The following SHISA6 variants were observed in gnomAD, a reference collection of about 807,000 sequenced individuals.
SHISA6 encodes the protein shisa family member 6, also known as protein shisa-6.
In SHISA6, 22 loss-of-function variants were observed where a neutral mutation model predicts 47.9. That is an observed-to-expected ratio of 0.46 (90% CI 0.33 to 0.66). The LOEUF (loss-of-function observed/expected upper bound fraction) is 0.66. Among genes scored for constraint, SHISA6 ranks in the 30% least tolerant of loss-of-function variants. The probability of loss-of-function intolerance (pLI) is 0.02; values close to 1 mark genes in which losing one functional copy is unlikely to be tolerated. For missense variants in SHISA6, 680 were observed against 764.6 expected (o/e 0.89, Z 1.30); for synonymous variants, 388 against 337.8 (o/e 1.15, Z -1.63).
Position 11,308,670 on chromosome 17 carries a change from T to G in SHISA6, c.799+45144T>G, listed in dbSNP as rs11868682. Among the ~76,000 whole-genome samples, 939 of 152,330 alleles carry G rather than the reference T, an allele frequency of 6.2e-3. 8 individuals are homozygous for G. The highest frequency in any genetic ancestry group is 0.02 in the South Asian group (97 of 4,822). On this transcript the variant is annotated intron_variant, in intron 2 of 5. Transcript: ENST00000441885. The stretch of plus-strand genomic sequence containing the variant: ...GATTTGTTCTTTAATAAAGAAACTC[T>G]GCGATCTCACAGCTGATCTTTGCCC...
chr17:11,303,155 G>C (rs1909984399), intron 2 of SHISA6, among the ~76,000 whole-genome samples: 1 of 152,084 alleles, frequency 6.6e-6, no homozygotes, highest in African/African-American at 2.4e-5. Flanking sequence ...GTGTGATTTT[G>C]TGTGTGATTA....
chr17:11,242,485 A>C (rs1907406719), intron 1 of SHISA6, among the ~76,000 whole-genome samples: 1 of 152,166 alleles, frequency 6.6e-6, no homozygotes, highest in Non-Finnish European at 1.5e-5. Context: ...ACCTTACTGA[A>C]AGCGGTACCA....
intron 2 of SHISA6, among the ~76,000 whole-genome samples, chr17:11,355,570 T>C (rs1035006682): frequency 7.2e-5 from 11 of 152,196 alleles, no homozygotes; most frequent in African/African-American, 2.4e-4. Context: ...AGAGCTCAGT[T>C]AGAGCTCAAG....
At chr17:11,378,313 G>T (rs761967933) in intron 2 of SHISA6, among the ~76,000 whole-genome samples, 2 of 151,840 alleles carry the variant, frequency 1.3e-5, no homozygotes, top group African/African-American at 4.9e-5. Context: ...ATATGTTTGT[G>T]TGCTTTTTTT....
chr17:11,328,125 G>A lies in SHISA6; in HGVS notation c.800-51289G>A, dbSNP rs75777406. 4.0e-3 allele frequency among the ~76,000 whole-genome samples: 611 copies of A among 152,222 alleles called. 7 individuals carry two copies. The highest frequency in any genetic ancestry group is 0.014 in the African/African-American group (572 of 41,542). ...CCCTCAATTTCTTCATCTATCAAAT[G>A]GAGATACAAAAACTATGTCAAGGCA... On this transcript the variant is annotated intron_variant, in intron 2 of 5. Coordinates refer to ENST00000441885, the MANE Select transcript of SHISA6 (RefSeq NM_207386.4).
chr17:11,521,753 G>A (rs944674988), intron 3 of SHISA6, among the ~76,000 whole-genome samples: 2 of 152,008 alleles, frequency 1.3e-5, no homozygotes, highest in African/African-American at 4.8e-5. Flanking sequence ...CAGTGAGCTA[G>A]GATCACGCCT....
intron 3 of SHISA6, among the ~76,000 whole-genome samples, chr17:11,385,252 GAGAA>G (rs956201684): frequency 6.6e-6 from 1 of 152,150 alleles, no homozygotes; most frequent in Non-Finnish European, 1.5e-5. Context: ...GATTCCCGGG[GAGAA>G]GGGTCTTCCA....
At chr17:11,500,525 G>C (rs1053311182) in intron 3 of SHISA6, among the ~76,000 whole-genome samples, 1 of 152,172 alleles carries the variant, frequency 6.6e-6, no homozygotes, top group Non-Finnish European at 1.5e-5. Flanking sequence ...CTTGCTCAAG[G>C]TTCCATGGTA....
intron 3 of SHISA6, among the ~76,000 whole-genome samples, chr17:11,443,124 G>A (rs137868021): frequency 5.9e-5 from 9 of 152,302 alleles, no homozygotes; most frequent in Non-Finnish European, 1.0e-4. Context: ...TGTGACACAC[G>A]TACTTGACCC....
At chr17:11,530,712 A>G (rs1315389450) in intron 3 of SHISA6, among the ~76,000 whole-genome samples, 1 of 152,216 alleles carries the variant, frequency 6.6e-6, no homozygotes, top group East Asian at 1.9e-4. Flanking sequence ...TCTGTTGTCA[A>G]GGTTAGTCGT....
At chr17:11,483,334 G>GAAT (rs570047699) in intron 3 of SHISA6, among the ~76,000 whole-genome samples, 213 of 149,492 alleles carry the variant, frequency 1.4e-3, no homozygotes, top group African/African-American at 5.0e-3. Flanking sequence ...ACCAAAATAC[G>GAAT]AATAATAATA....
At chr17:11,405,733 G>A (rs138905799) in intron 3 of SHISA6, among the ~76,000 whole-genome samples, 2 of 152,096 alleles carry the variant, frequency 1.3e-5, no homozygotes, top group African/African-American at 2.4e-5. Flanking sequence ...CTCAGGAGAC[G>A]GAGGTTGCAG....
At chr17:11,369,321 T>C (rs1467987686) in intron 2 of SHISA6, among the ~76,000 whole-genome samples, 1 of 152,246 alleles carries the variant, frequency 6.6e-6, no homozygotes, top group Non-Finnish European at 1.5e-5. Flanking sequence ...AGAATGTCAA[T>C]ATTTTCTTCA....
In SHISA6 at chr17:11,307,040, G is replaced by A. The variant is rs78542817; in HGVS notation, c.799+43514G>A. Among the ~76,000 whole-genome samples, 19 of 152,090 alleles carry A rather than the reference G, an allele frequency of 1.2e-4. No individual in the cohort carries two copies. In the East Asian group the frequency reaches 2.7e-3, roughly 22 times the overall value. ...GATGGCATTTCAAGCCCTGTTTCTC[G>A]CAACCCCCCAGTGGAAAAATTTTAT... is the stretch of plus-strand genomic sequence containing the variant. On this transcript the variant is annotated intron_variant, in intron 2 of 5. Coordinates refer to ENST00000441885, the MANE Select transcript of SHISA6 (RefSeq NM_207386.4).
chr17:11,266,085 A>G (rs1393826868), intron 2 of SHISA6, among the ~76,000 whole-genome samples: 2 of 152,332 alleles, frequency 1.3e-5, no homozygotes, highest in Non-Finnish European at 1.5e-5. Context: ...AATGGACACA[A>G]TGCTTTTCCA....
intron 2 of SHISA6, among the ~76,000 whole-genome samples, chr17:11,319,320 C>T (rs997045761): frequency 3.9e-5 from 6 of 152,146 alleles, no homozygotes; most frequent in Non-Finnish European, 8.8e-5. Flanking sequence ...CTCAGGTGAT[C>T]CACCCGCCTC....
At chr17:11,441,089 C>CA (rs896716275) in intron 3 of SHISA6, among the ~76,000 whole-genome samples, 24 of 151,974 alleles carry the variant, frequency 1.6e-4, no homozygotes, top group East Asian at 1.5e-3. Flanking sequence ...GGAACAACAA[C>CA]AAAAAAAACC....
At chr17:11,488,633 G>T (rs368664308) in intron 3 of SHISA6, among the ~76,000 whole-genome samples, 3 of 152,184 alleles carry the variant, frequency 2.0e-5, no homozygotes, top group African/African-American at 7.2e-5. Flanking sequence ...CTCTTGTTCT[G>T]CTTTGTTCTC....
chr17:11,447,604 G>A (rs867879098), intron 3 of SHISA6, among the ~76,000 whole-genome samples: 4 of 152,162 alleles, frequency 2.6e-5, no homozygotes, highest in African/African-American at 4.8e-5. Flanking sequence ...CCAGCTAAAC[G>A]TTTTCAGAGA....
Sources: gnomAD v4.1 joint callset for allele counts (sites outside exome capture counted in the v4.1 genomes callset) on GRCh38, gnomAD v4.1.1 for gene constraint, MANE v1.5 for transcripts, NCBI Gene and HGNC (gene_info 2026-07-23, HGNC 2026-07-21) for gene names.